The following MIS18A variants were observed in gnomAD, a reference collection of about 807,000 sequenced individuals.
MIS18A encodes the protein protein Mis18-alpha.
A neutral mutation model predicts 25.0 loss-of-function variants in MIS18A; 14 were observed. The observed-to-expected ratio is 0.56, with a 90% CI of 0.37 to 0.88. The LOEUF (loss-of-function observed/expected upper bound fraction) is 0.88, where lower values mean the gene tolerates loss of function less well. MIS18A is among the 40% of genes least tolerant of loss of function. The pLI is 0.00. For missense variants in MIS18A, 292 were observed against 290.8 expected (o/e 1.00, Z -0.03); for synonymous variants, 134 against 118.6 (o/e 1.13, Z -0.84).
chr21:32,184,436 A>G, the MIS18A span, among the ~76,000 whole-genome samples: 2 of 152,204 alleles, frequency 1.3e-5, no homozygotes, highest in Non-Finnish European at 2.9e-5. Context: ...CCCAGGTTAC[A>G]TGGGCTCCTC....
At chr21:32,171,611 A>G in the MIS18A span, among the ~76,000 whole-genome samples, 2 of 152,156 alleles carry the variant, frequency 1.3e-5, no homozygotes. Context: ...CTACAAACCT[A>G]TATAGCACAT....
the MIS18A span, among the ~76,000 whole-genome samples, chr21:32,185,546 T>C: frequency 1.3e-5 from 2 of 152,138 alleles, no homozygotes; most frequent in Non-Finnish European, 2.9e-5. Flanking sequence ...AAAGTGATCA[T>C]GGTTTTGGAC....
intron 1 of MIS18A, chr21:32,277,791 A>C (rs1303351685): frequency 6.6e-6 from 1 of 152,048 alleles, no homozygotes; most frequent in Non-Finnish European, 1.5e-5. Context: ...GCCTGGTTTG[A>C]TTTTGATAGG....
chr21:32,169,913 C>T, the MIS18A span, among the ~76,000 whole-genome samples: 2 of 152,046 alleles, frequency 1.3e-5, no homozygotes, highest in Non-Finnish European at 2.9e-5. Flanking sequence ...AATCTGACTT[C>T]CAGAGTGGCT....
chr21:32,174,357 AAAAT>A, the MIS18A span, among the ~76,000 whole-genome samples: 13 of 152,250 alleles, frequency 8.5e-5, no homozygotes, highest in East Asian at 1.5e-3. Context: ...AAAATAATGA[AAAAT>A]ATATACTATG....
chr21:32,181,811 T>C, the MIS18A span, among the ~76,000 whole-genome samples: 4 of 152,142 alleles, frequency 2.6e-5, no homozygotes, highest in African/African-American at 9.7e-5. Flanking sequence ...CCATCATTCT[T>C]GTCAGTGTCA....
the MIS18A span, among the ~76,000 whole-genome samples, chr21:32,241,368 T>TAAAA: frequency 6.4e-4 from 57 of 88,380 alleles, no homozygotes; most frequent in South Asian, 5.8e-3. Context: ...TAGCTGACAA[T>TAAAA]AAAAAAAAAA....
chr21:32,258,910 G>C, the MIS18A span, among the ~76,000 whole-genome samples: 1 of 151,618 alleles, frequency 6.6e-6, no homozygotes, highest in East Asian at 1.9e-4. Context: ...AGATAGGCCT[G>C]TTGCCCAGGA....
downstream of MIS18A, among the ~76,000 whole-genome samples, chr21:32,265,702 G>A (rs532872619): frequency 6.6e-6 from 1 of 152,376 alleles, no homozygotes; most frequent in South Asian, 2.1e-4. Flanking sequence ...ACCACCCAAG[G>A]GCTGAGGAAT....
chr21:32,174,228 A>G, the MIS18A span, among the ~76,000 whole-genome samples: 2 of 151,976 alleles, frequency 1.3e-5, no homozygotes, highest in African/African-American at 4.8e-5. Context: ...CTCCCAAAGT[A>G]GTGGGAGCAA....
the MIS18A span, among the ~76,000 whole-genome samples, chr21:32,253,919 G>T: frequency 1.3e-5 from 2 of 150,860 alleles, no homozygotes; most frequent in African/African-American, 4.9e-5. Context: ...ACAGCATTTT[G>T]AAAAAAAAAT....
At chr21:32,244,854 T>G in the MIS18A span, among the ~76,000 whole-genome samples, 1 of 152,176 alleles carries the variant, frequency 6.6e-6, no homozygotes, top group Non-Finnish European at 1.5e-5. Flanking sequence ...ATGGTAACTA[T>G]AAAGCAACCA....
intron 2 of MIS18A, among the ~76,000 whole-genome samples, chr21:32,270,898 G>T (rs996583046): frequency 1.3e-5 from 2 of 152,180 alleles, no homozygotes; most frequent in African/African-American, 4.8e-5. Flanking sequence ...TTGTAAAACG[G>T]AAGCACCTAT....
chr21:32,160,331 CAT>C, the MIS18A span, among the ~76,000 whole-genome samples: 23 of 138,894 alleles, frequency 1.7e-4, no homozygotes, highest in African/African-American at 3.6e-4. Flanking sequence ...CACACACACA[CAT>C]ACACCATTTC....
the MIS18A span, among the ~76,000 whole-genome samples, chr21:32,232,897 T>C: frequency 3.9e-5 from 6 of 152,216 alleles, no homozygotes; most frequent in East Asian, 3.9e-4. Flanking sequence ...AGAGAGTAGA[T>C]TTTAGGTGCT....
the MIS18A span, among the ~76,000 whole-genome samples, chr21:32,207,997 T>G: frequency 2.0e-5 from 3 of 152,352 alleles, no homozygotes; most frequent in Middle Eastern, 3.4e-3. Flanking sequence ...CATTTGGCAC[T>G]GGGTCCTGCA....
At chr21:32,238,556 C>G in the MIS18A span, among the ~76,000 whole-genome samples, 1 of 152,196 alleles carries the variant, frequency 6.6e-6, no homozygotes, top group Non-Finnish European at 1.5e-5. Context: ...TGCACAGGGA[C>G]AGATGAAATT....
chr21:32,249,524 A>G, the MIS18A span, among the ~76,000 whole-genome samples: 1 of 152,298 alleles, frequency 6.6e-6, no homozygotes, highest in Non-Finnish European at 1.5e-5. Flanking sequence ...CACCAAAATT[A>G]TATTCCAGAA....
downstream of MIS18A, among the ~76,000 whole-genome samples, chr21:32,265,397 C>A (rs566221227): frequency 3.9e-5 from 6 of 152,290 alleles, no homozygotes; most frequent in Non-Finnish European, 7.4e-5. Context: ...TCCGGGTGGG[C>A]GTGGGCTTAG....
Sources: gnomAD v4.1 joint callset for allele counts (sites outside exome capture counted in the v4.1 genomes callset) on GRCh38, gnomAD v4.1.1 for gene constraint, MANE v1.5 for transcripts, NCBI Gene and HGNC (gene_info 2026-07-23, HGNC 2026-07-21) for gene names.